The following MX2 variants were observed in gnomAD, a reference collection of about 807,000 sequenced individuals.
MX2 encodes the protein MX dynamin like GTPase 2, also known as interferon-induced GTP-binding protein Mx2.
Under a neutral mutation model 74.0 loss-of-function variants are expected in MX2, and 51 were observed. That is an observed-to-expected ratio of 0.69 (90% CI 0.55 to 0.87). The LOEUF is 0.87. MX2 is among the 40% of genes least tolerant of loss of function. The pLI, the probability that MX2 is intolerant of heterozygous loss-of-function variation, is 0.00. For missense variants in MX2, 832 were observed against 908.7 expected, an observed-to-expected ratio of 0.92 and a Z score of 1.09; for synonymous variants, 369 against 339.3, an observed-to-expected ratio of 1.09 and a Z score of -0.96.
At chr21:41,373,452 C>A (rs2089352726) in intron 1 of MX2, among the ~76,000 whole-genome samples, 1 of 152,104 alleles carries the variant, frequency 6.6e-6, no homozygotes, top group South Asian at 2.1e-4. Flanking sequence ...GATGAGGTGT[C>A]CTGGAAGCCC....
chr21:41,393,654 C>G (rs1165738882), intron 6 of MX2, among the ~76,000 whole-genome samples: 1 of 152,172 alleles, frequency 6.6e-6, no homozygotes, highest in Non-Finnish European at 1.5e-5. Flanking sequence ...CTCCTTCTAT[C>G]AACGCATCAT....
At chr21:41,375,130 C>T (rs1037647441) in intron 1 of MX2, among the ~76,000 whole-genome samples, 1 of 152,210 alleles carries the variant, frequency 6.6e-6, no homozygotes, top group African/African-American at 2.4e-5. Context: ...CAGGCACACC[C>T]TCCAGTGGGC....
At chr21:41,391,468 C>T (rs1329670479) in intron 6 of MX2, among the ~76,000 whole-genome samples, 1 of 146,284 alleles carries the variant, frequency 6.8e-6, no homozygotes, top group African/African-American at 2.8e-5. Flanking sequence ...CTCACTGTAA[C>T]CTCTGCCTCC....
In MX2 at chr21:41,383,093, G is replaced by A. The variant is rs560999589; in HGVS notation, c.732+529G>A. 1.4e-4 allele frequency among the ~76,000 whole-genome samples: 21 copies of A among 152,228 alleles called. No individual in the cohort carries two copies. The South Asian group carries it at 1.9e-3, about 14-fold the overall frequency. On this transcript the variant is annotated intron_variant, in intron 5 of 13. Coordinates refer to ENST00000330714, the MANE Select transcript of MX2 (RefSeq NM_002463.2). The stretch of plus-strand genomic sequence containing the variant: ...TAAACATGAGGCCAGGCACGGTGGC[G>A]CATGCCTGTAATCCCAACACTTTGG...
intron 3 of MX2, 144 bp downstream of exon 3, chr21:41,378,125 AGAGAGACAGGCCACTGG>A (rs374024861): frequency 0.018 from 18,867 of 1,070,740 alleles, 332 homozygotes; most frequent in East Asian, 0.038. Flanking sequence ...GAGGCCGCTG[AGAGAGACAGGCCACTGG>A]GAGAGACAGG....
rs116012624 is a variant in MX2, at chr21:41,384,393, G to A, written c.732+1829G>A. Among the ~76,000 whole-genome samples the A allele has an allele frequency of 7.7e-3, 1,177 of 152,348 alleles. 21 individuals carry two copies. The highest frequency in any genetic ancestry group is 0.027 in the African/African-American group (1,112 of 41,572). On this transcript the variant is annotated intron_variant, in intron 5 of 13. Transcript: ENST00000330714. ...GTCTGAGACAGTTTGATCTCAAACA[G>A]TTTCATCAAAAGCAAGTTGGTTGAG...
rs2089289437 is a variant in MX2 at position 41,368,694 on chromosome 21, A to C, written c.-72+6639A>C. ...TTAAATATGTTTTAAAAGGAACATGAAATGAAGAATATTGGGCTTCACAAA... is the reference window on the plus strand; with the variant it reads ...TTAAATATGTTTTAAAAGGAACATGCAATGAAGAATATTGGGCTTCACAAA... On this transcript the variant is annotated intron_variant, in intron 1 of 13. Transcript: ENST00000330714. The surrounding 1 kb of genome is among the most constrained non-coding windows in gnomAD (Gnocchi z 4.6). Among the ~76,000 whole-genome samples the C allele has an allele frequency of 6.6e-6, 1 of 152,242 alleles. No homozygotes were observed. Among genetic ancestry groups the C allele is most frequent in the African/African-American group, 2.4e-5 (1 of 41,466 alleles).
rs553447858 is a variant in MX2 at position 41,396,387 on chromosome 21, T to C, written c.1070+602T>C. 5.3e-5 allele frequency among the ~76,000 whole-genome samples: 8 copies of C among 152,366 alleles called. No homozygotes were observed. The South Asian group carries it at 1.4e-3, about 28-fold the overall frequency. On this transcript the variant is annotated intron_variant, in intron 7 of 13. Transcript: ENST00000330714. Reference sequence around the variant, plus strand: ...TTGTAGGACGCTGGGATTGTTCCCATTGAATGGAGCACTTTTCCCCTTCAT... The same window carrying C: ...TTGTAGGACGCTGGGATTGTTCCCACTGAATGGAGCACTTTTCCCCTTCAT...
At chr21:41,375,601 C>A (rs775221146) in intron 1 of MX2, among the ~76,000 whole-genome samples, 20 of 152,332 alleles carry the variant, frequency 1.3e-4, no homozygotes, top group Non-Finnish European at 1.6e-4. Flanking sequence ...GGCCCTTCTC[C>A]CTGTGTGTCT....
chr21:41,402,274 C>G lies in MX2; in HGVS notation c.1573+146C>G. ...GTGCTAGATTGCTACTCTGTGTGGTCTGTGAGCCAGCAGCACTGGCAAGGC... is the reference window on the plus strand; with the variant it reads ...GTGCTAGATTGCTACTCTGTGTGGTGTGTGAGCCAGCAGCACTGGCAAGGC... On this transcript the variant is annotated intron_variant, in intron 11 of 13. Transcript: ENST00000330714. This position sits in a 1 kb window ranked among gnomAD's most constrained non-coding sequence, Gnocchi z 4.5. 1 of 964,016 alleles carries G rather than the reference C, an allele frequency of 1.0e-6. No individual in the cohort carries two copies. The highest frequency in any genetic ancestry group is 1.5e-6 in the Non-Finnish European group (1 of 676,650). 59.7% of individuals were successfully genotyped at this position (964,016 alleles called of 1,614,324 possible).
intron 8 of MX2, among the ~76,000 whole-genome samples, 193 bp from the exon 9 acceptor site, chr21:41,398,704 G>A (rs2089767663): frequency 6.6e-6 from 1 of 152,114 alleles, no homozygotes; most frequent in Non-Finnish European, 1.5e-5. Context: ...TACCTGGAAA[G>A]TTTGTTACAA....
intron 5 of MX2, among the ~76,000 whole-genome samples, chr21:41,387,424 A>G (rs1365417660): frequency 6.6e-6 from 1 of 152,192 alleles, no homozygotes; most frequent in East Asian, 1.9e-4. Flanking sequence ...TCCCGGCAAC[A>G]AGTGCTTGGC....
At chr21:41,371,703 C>T (rs1206418041) in intron 1 of MX2, among the ~76,000 whole-genome samples, 1 of 152,138 alleles carries the variant, frequency 6.6e-6, no homozygotes, top group Non-Finnish European at 1.5e-5. Flanking sequence ...ATTATATCCT[C>T]GACCTAGGAG....
chr21:41,364,191 C>T (rs1343855449), intron 1 of MX2: 1 of 152,598 alleles, frequency 6.6e-6, no homozygotes, highest in African/African-American at 2.4e-5. Context: ...TGGGTAACCA[C>T]CAGCTTCCTG....
rs367811279 is a variant in MX2, at chr21:41,377,992, C to T, written c.442+11C>T. 4.2e-5 allele frequency: 67 copies of T among 1,609,114 alleles called. No homozygotes were observed. Among genetic ancestry groups the T allele is most frequent in the African/African-American group, 6.7e-5 (5 of 74,864 alleles). On this transcript the variant is annotated intron_variant, in intron 3 of 13. Coordinates refer to ENST00000330714, the MANE Select transcript of MX2 (RefSeq NM_002463.2). Reference sequence around the variant, plus strand: ...TTCCCAGAGGCAGCGGTAAGTTCAACGGACCACCTTCCCTCCGCAGCAAGC... The same window carrying T: ...TTCCCAGAGGCAGCGGTAAGTTCAATGGACCACCTTCCCTCCGCAGCAAGC...
chr21:41,379,545 C>G (rs963587930), intron 3 of MX2, among the ~76,000 whole-genome samples: 2 of 152,152 alleles, frequency 1.3e-5, no homozygotes, highest in African/African-American at 4.8e-5. Context: ...CTGGATGGGT[C>G]TCACTGCTCC....
chr21:41,406,949 C>T lies in MX2; in HGVS notation c.1856C>T (p.Ser619Leu), dbSNP rs748907963. 8.7e-6 allele frequency: 14 copies of T among 1,613,850 alleles called. No homozygotes were observed. Among genetic ancestry groups the T allele is most frequent in the Admixed American group, 3.3e-5 (2 of 60,004 alleles). The change falls in exon 13 of 14, where the codon TCG becomes TTG. Residue 619 changes from serine (S) to leucine (L), a missense_variant. Transcript: ENST00000330714. ...TCTCATTTTCCCAGTAATGAGTCTT[C>T]GGTTTCCTCCTTTACTGAAATAGGC... The part of the protein sequence containing the change: ...LNSHFPSNES[S>L]VSSFTEIGIH...
chr21:41,387,636 A>T (rs984964177), intron 5 of MX2, among the ~76,000 whole-genome samples: 3 of 149,068 alleles, frequency 2.0e-5, no homozygotes, highest in Non-Finnish European at 3.0e-5. Flanking sequence ...CCCATTGAAA[A>T]CTCTCCCTGC....
At chr21:41,374,957 G>T (rs1023045449) in intron 1 of MX2, among the ~76,000 whole-genome samples, 2 of 152,258 alleles carry the variant, frequency 1.3e-5, no homozygotes, top group African/African-American at 4.8e-5. Flanking sequence ...CAAGACCTCT[G>T]CCCACATCTT....
Sources: allele counts gnomAD v4.1 joint callset (sites outside exome capture counted in the v4.1 genomes callset), GRCh38; gene constraint gnomAD v4.1.1; non-coding constraint Gnocchi (gnomAD v3.1); transcripts MANE v1.5; gene names NCBI Gene and HGNC (gene_info 2026-07-23, HGNC 2026-07-21).